Variants in GDF1 observed in about 807,000 individuals in gnomAD.
The protein encoded by GDF1 is embryonic growth/differentiation factor 1.
In GDF1, 8 loss-of-function variants were observed where a neutral mutation model predicts 7.4. The ratio of observed to expected loss-of-function variants is 1.09; its 90% CI spans 0.64 to 1.96. The LOEUF (loss-of-function observed/expected upper bound fraction) is 1.96. GDF1 is among the 30% of genes most tolerant of loss of function. GDF1 has a pLI of 0.00. For missense variants in GDF1, 574 were observed against 551.5 expected, an observed-to-expected ratio of 1.04 and a Z score of -0.41; for synonymous variants, 311 against 276.7, an observed-to-expected ratio of 1.12 and a Z score of -1.23.
At chr19:18,874,531 G>A (rs958051898) in intron 6 of GDF1, among the ~76,000 whole-genome samples, 12 of 152,208 alleles carry the variant, frequency 7.9e-5, no homozygotes, top group Non-Finnish European at 1.2e-4. Context: ...TGGGATTTAC[G>A]GAGCATTGAG....
chr19:18,884,160 G>A lies in GDF1; in HGVS notation c.-806C>T, dbSNP rs1448786011. 5 of 1,613,594 alleles carry A rather than the reference G, an allele frequency of 3.1e-6. No individual in the cohort carries two copies. The highest frequency in any genetic ancestry group is 2.2e-5 in the East Asian group (1 of 44,886). ...AGCAGCATGACCACCGAGTCCTTGC[G>A]CCAGGTGTCCATGTATAGCGTAGCG... On this transcript the variant is annotated 5_prime_UTR_variant, in exon 3 of 8. Coordinates refer to ENST00000247005, the MANE Select transcript of GDF1 (RefSeq NM_001492.6).
chr19:18,874,172 T>C (rs2056022580), intron 6 of GDF1, among the ~76,000 whole-genome samples: 1 of 152,212 alleles, frequency 6.6e-6, no homozygotes, highest in Admixed American at 6.5e-5. Context: ...CGGCCACTTC[T>C]GCTTTCTTGG....
chr19:18,877,095 G>C (rs982362884), intron 6 of GDF1, among the ~76,000 whole-genome samples: 2 of 152,216 alleles, frequency 1.3e-5, no homozygotes, highest in Non-Finnish European at 2.9e-5. Context: ...AACTCCGGCT[G>C]TCCTTGGAGA....
At chr19:18,869,952 G>A (rs768665846) in intron 7 of GDF1, 31 bp downstream of exon 7, 55 of 1,557,388 alleles carry the variant, frequency 3.5e-5, no homozygotes, top group Non-Finnish European at 3.5e-6. Flanking sequence ...TGGCCTCCAG[G>A]ACCAGTGTCC....
intron 2 of GDF1, 63 bp from the exon 3 acceptor site, chr19:18,884,330 C>G: frequency 6.8e-7 from 1 of 1,477,730 alleles, no homozygotes; most frequent in Non-Finnish European, 9.1e-7. Flanking sequence ...GCCTCCATGA[C>G]CCGGTGACAC....
chr19:18,888,966 A>T (rs1235326174), intron 2 of GDF1, among the ~76,000 whole-genome samples: 1 of 140,620 alleles, frequency 7.1e-6, no homozygotes. Context: ...ATCTCGACTC[A>T]CTGCAACCTC....
At position 18,879,033 on chromosome 19, in the gene GDF1, C is replaced by T. The variant is rs771037471; in HGVS notation, c.-416G>A. The T allele has an allele frequency of 9.3e-6, 15 of 1,613,402 alleles. No individual in the cohort carries two copies. Among genetic ancestry groups the T allele is most frequent in the African/African-American group, 1.3e-5 (1 of 75,024 alleles). ...GTCAACACCTTGGCTGCAAACGCCA[C>T]GATGTACTGCGAGAGGGGAGGGGAG... On this transcript the variant is annotated 5_prime_UTR_variant, in exon 6 of 8. In the 5' UTR this introduces an upstream ATG that the reference lacks. Coordinates refer to ENST00000247005, the MANE Select transcript of GDF1 (RefSeq NM_001492.6).
At chr19:18,886,324 CG>C (rs1422640689) in intron 2 of GDF1, among the ~76,000 whole-genome samples, 2 of 151,992 alleles carry the variant, frequency 1.3e-5, no homozygotes, top group African/African-American at 4.8e-5. Context: ...CCGAGGCGGG[CG>C]GATCACAAGG....
At chr19:18,871,499 G>A (rs2055969615) in intron 6 of GDF1, among the ~76,000 whole-genome samples, 1 of 152,154 alleles carries the variant, frequency 6.6e-6, no homozygotes, top group African/African-American at 2.4e-5. Flanking sequence ...TGGGATTACA[G>A]GCGTGAGCCA....
Position 18,869,068 on chromosome 19 carries a change from C to A in GDF1, c.648G>T (p.Ala216=), listed in dbSNP as rs929541928. ...NASWPRSLRL[A]LALRPRAPAA... is the part of the protein sequence containing the mutation. ...CAGGGGCCCGGGGGCGTAGCGCCAG[C>A]GCCAGGCGGAGGCTGCGCGGCCATG... The change falls in exon 8 of 8, where the codon GCG becomes GCT. Residue 216 remains alanine (A), a synonymous_variant. Coordinates refer to ENST00000247005, the MANE Select transcript of GDF1 (RefSeq NM_001492.6). The A allele has an allele frequency of 1.9e-6, 2 of 1,059,398 alleles. No homozygotes were observed. Among genetic ancestry groups the A allele is most frequent in the African/African-American group, 3.4e-5 (2 of 58,194 alleles). 65.6% of individuals were successfully genotyped at this position (1,059,398 alleles called of 1,614,324 possible).
chr19:18,875,845 A>G (rs549026502), intron 6 of GDF1, among the ~76,000 whole-genome samples: 1 of 152,334 alleles, frequency 6.6e-6, no homozygotes, highest in South Asian at 2.1e-4. Context: ...ATGCAGCCAT[A>G]AAACAAGAAA....
chr19:18,887,382 G>A (rs76273624), intron 2 of GDF1, among the ~76,000 whole-genome samples: 2 of 152,274 alleles, frequency 1.3e-5, no homozygotes, highest in South Asian at 2.1e-4. Flanking sequence ...CTAATGGGAC[G>A]GGGTTTCCTT....
chr19:18,880,459 G>T (rs1160505020), intron 3 of GDF1, 24 bp from the exon 4 acceptor site: 1 of 1,562,216 alleles, frequency 6.4e-7, no homozygotes, highest in Non-Finnish European at 8.7e-7. Flanking sequence ...AGGCAGAGAG[G>T]AGAGGGCAGC....
intron 2 of GDF1, 77 bp downstream of exon 2, chr19:18,893,339 T>G: frequency 6.8e-7 from 1 of 1,468,794 alleles, no homozygotes; most frequent in Non-Finnish European, 9.2e-7. Context: ...TTCTGCCTCA[T>G]GAGTAGCTGG....
At chr19:18,883,402 G>T (rs955310559) in intron 3 of GDF1, 6 of 152,058 alleles carry the variant, frequency 3.9e-5, no homozygotes, top group African/African-American at 1.5e-4. Flanking sequence ...GCGTGGTGGC[G>T]CACACCTGTA....
Position 18,885,511 on chromosome 19 carries a change from G to GT in GDF1, c.-913-1245dup, listed in dbSNP as rs59793456. Among the ~76,000 whole-genome samples the GT allele has an allele frequency of 3.0e-3, 66 of 22,122 alleles. 5 individuals carry two copies. The highest frequency in any genetic ancestry group is 4.7e-3 in the African/African-American group (41 of 8,710). 14.5% of individuals were successfully genotyped at this position (22,122 alleles called of 152,430 possible). A position where few individuals can be genotyped will look rare whatever the true frequency, so the allele number is the denominator to read the frequency against. On this transcript the variant is annotated intron_variant, in intron 2 of 7. Transcript: ENST00000247005. Reference sequence around the variant, plus strand: ...CTCACCCAGCCCAGCGCCCCTTCTCGTTTTTTTTTTTTTTTTTTTTTTTTT... The same window carrying GT: ...CTCACCCAGCCCAGCGCCCCTTCTCGTTTTTTTTTTTTTTTTTTTTTTTTTT...
chr19:18,869,059 T>TAGCGCC lies in GDF1; in HGVS notation c.651_656dup (p.Ala218_Leu219dup), dbSNP rs2055909568. On this transcript the variant is annotated inframe_insertion, in exon 8 of 8. Transcript: ENST00000247005. ...CGCAGGCGGCAGGGGCCCGGGGGCG[T>TAGCGCC]AGCGCCAGCGCCAGGCGGAGGCTGC... The TAGCGCC allele has an allele frequency of 1.0e-5, 11 of 1,060,260 alleles. No individual in the cohort carries two copies. The highest frequency in any genetic ancestry group is 5.2e-5 in the African/African-American group (3 of 57,996). The allele number at this position is 1,060,260 out of a possible 1,614,324, so 65.7% of individuals were successfully genotyped here. A position where few individuals can be genotyped will look rare whatever the true frequency, so the allele number is the denominator to read the frequency against.
intron 2 of GDF1, among the ~76,000 whole-genome samples, chr19:18,890,330 A>T (rs927304135): frequency 6.6e-6 from 1 of 152,226 alleles, no homozygotes; most frequent in African/African-American, 2.4e-5. Context: ...TAGACTGCGT[A>T]CTGCACCGTC....
In GDF1 at chr19:18,884,236, G is replaced by A. The variant is rs1288717603; in HGVS notation, c.-882C>T. On this transcript the variant is annotated 5_prime_UTR_variant, in exon 3 of 8. Transcript: ENST00000247005. Reference sequence around the variant, plus strand: ...CCTGGAGCAGGTAGGCGGCTGCAATGTCCCGTGGCACTGCCATGCCCGGCG... The same window carrying A: ...CCTGGAGCAGGTAGGCGGCTGCAATATCCCGTGGCACTGCCATGCCCGGCG... 7 of 1,613,134 alleles carry A rather than the reference G, an allele frequency of 4.3e-6. No individual in the cohort carries two copies. The highest frequency in any genetic ancestry group is 5.9e-6 in the Non-Finnish European group (7 of 1,179,790).
Sources: gnomAD v4.1 joint callset for allele counts (sites outside exome capture counted in the v4.1 genomes callset) on GRCh38, gnomAD v4.1.1 for gene constraint, MANE v1.5 for transcripts, NCBI Gene and HGNC (gene_info 2026-07-23, HGNC 2026-07-21) for gene names.